Variants in MYO1D observed in about 807,000 individuals in gnomAD.
The protein encoded by MYO1D is unconventional myosin-Id.
In MYO1D, 83 loss-of-function variants were observed where a neutral mutation model predicts 122.0. That is an observed-to-expected ratio of 0.68 (90% confidence interval 0.57 to 0.82). The LOEUF (loss-of-function observed/expected upper bound fraction) is 0.82. Ranked by LOEUF, MYO1D falls within the 40% of genes least tolerant of loss-of-function variation. MYO1D has a pLI of 0.00. For synonymous variants in MYO1D, 464 were observed against 446.9 expected, an observed-to-expected ratio of 1.04 and a Z score of -0.48; for missense variants, 1,157 against 1,269.5, an observed-to-expected ratio of 0.91 and a Z score of 1.35.
At chr17:32,778,406 G>C in intron 3 of MYO1D, 74 bp downstream of exon 3, 4 of 1,434,814 alleles carry the variant, frequency 2.8e-6, no homozygotes, top group Non-Finnish European at 3.9e-6. Context: ...TCAACCCCTA[G>C]AGTTTAGGTC....
intron 21 of MYO1D, among the ~76,000 whole-genome samples, chr17:32,589,826 G>T (rs2087422766): frequency 6.6e-6 from 1 of 152,182 alleles, no homozygotes; most frequent in Non-Finnish European, 1.5e-5. Context: ...AAAAGCTAAA[G>T]AATTTTGTTA....
chr17:32,553,101 AAC>A (rs377162683), intron 21 of MYO1D, among the ~76,000 whole-genome samples: 5,092 of 125,400 alleles, frequency 0.041, 262 homozygotes, highest in African/African-American at 0.15. Context: ...CAAAAAACAA[AAC>A]AAAAAAAAAA....
intron 2 of MYO1D, among the ~76,000 whole-genome samples, chr17:32,779,997 C>CT (rs2090218549): frequency 6.6e-6 from 1 of 152,166 alleles, no homozygotes; most frequent in African/African-American, 2.4e-5. Context: ...CCCCATTTCA[C>CT]TACATAAGGG....
chr17:32,774,538 T>C (rs184303447), intron 4 of MYO1D, among the ~76,000 whole-genome samples: 124 of 152,280 alleles, frequency 8.1e-4, no homozygotes, highest in African/African-American at 2.7e-3. Context: ...ATGCCTTATA[T>C]CCTGTAATAA....
At position 32,755,703 on chromosome 17, in the gene MYO1D, G is replaced by C. The variant is rs1194517022; in HGVS notation, c.1297-41C>G. ...AGGAGGGAATTCTGAAGAGAACAGT[G>C]ACCAGGCCAGGTTAAACCCTGATGC... is the stretch of plus-strand genomic sequence containing the variant. On this transcript the variant is annotated intron_variant, in intron 10 of 21. Transcript: ENST00000318217. The C allele has an allele frequency of 1.9e-6, 3 of 1,569,934 alleles. No homozygotes were observed. In the East Asian group the frequency reaches 6.8e-5, roughly 36 times the overall value.
chr17:32,539,800 C>T (rs1214279432), intron 21 of MYO1D, among the ~76,000 whole-genome samples: 1 of 152,150 alleles, frequency 6.6e-6, no homozygotes, highest in African/African-American at 2.4e-5. Flanking sequence ...ACATGAACAT[C>T]TCTTTGGGAA....
chr17:32,695,631 T>C (rs1485797199), intron 16 of MYO1D, among the ~76,000 whole-genome samples: 1 of 152,302 alleles, frequency 6.6e-6, no homozygotes, highest in South Asian at 2.1e-4. Context: ...ATGTAACAAA[T>C]ACCCCTATGC....
At chr17:32,635,289 G>A (rs1413828800) in intron 20 of MYO1D, among the ~76,000 whole-genome samples, 5 of 152,196 alleles carry the variant, frequency 3.3e-5, no homozygotes, top group African/African-American at 4.8e-5. Flanking sequence ...CAAAACTCAG[G>A]TTGTGGAGGA....
At chr17:32,765,242 T>C (rs2090043700) in intron 7 of MYO1D, among the ~76,000 whole-genome samples, 161 bp from the exon 8 acceptor site, 1 of 152,206 alleles carries the variant, frequency 6.6e-6, no homozygotes, top group Non-Finnish European at 1.5e-5. Context: ...TTTTTCCCTT[T>C]CTCCGGACAC....
chr17:32,775,712 A>G, intron 4 of MYO1D, 152 bp downstream of exon 4: 1 of 727,220 alleles, frequency 1.4e-6, no homozygotes, highest in Admixed American at 3.2e-5. Flanking sequence ...AGAAGAGAAG[A>G]CAAAAGGAGA....
At chr17:32,637,737 T>G (rs1005683645) in intron 20 of MYO1D, among the ~76,000 whole-genome samples, 2 of 152,230 alleles carry the variant, frequency 1.3e-5, no homozygotes, top group East Asian at 3.9e-4. Flanking sequence ...CTATTGGCCT[T>G]TCTATTGAAA....
At chr17:32,752,299 A>G (rs2089906380) in intron 11 of MYO1D, among the ~76,000 whole-genome samples, 1 of 152,252 alleles carries the variant, frequency 6.6e-6, no homozygotes. Context: ...CAAGACTTAA[A>G]TATAAAACCT....
chr17:32,647,141 T>C (rs1047325523), intron 19 of MYO1D, among the ~76,000 whole-genome samples: 1 of 152,206 alleles, frequency 6.6e-6, no homozygotes, highest in African/African-American at 2.4e-5. Context: ...AGATAAAAGT[T>C]TATCTGGAGA....
intron 1 of MYO1D, among the ~76,000 whole-genome samples, chr17:32,874,760 C>A (rs1021337470): frequency 6.6e-6 from 1 of 152,004 alleles, no homozygotes; most frequent in African/African-American, 2.4e-5. Flanking sequence ...AAGGGCCCAT[C>A]TCTAAAAAAT....
chr17:32,745,890 T>C (rs932930412), intron 12 of MYO1D, among the ~76,000 whole-genome samples: 4 of 151,416 alleles, frequency 2.6e-5, no homozygotes, highest in African/African-American at 9.8e-5. Context: ...GTGAGAAGAG[T>C]AGGAATAGAA....
intron 1 of MYO1D, among the ~76,000 whole-genome samples, chr17:32,800,340 A>T (rs183126913): frequency 2.6e-5 from 4 of 152,328 alleles, no homozygotes; most frequent in African/African-American, 7.2e-5. Flanking sequence ...TATATATATA[A>T]AACAGAATAC....
At chr17:32,522,081 C>CAAAAAAAAAAA (rs35096680) in intron 21 of MYO1D, among the ~76,000 whole-genome samples, 2 of 63,250 alleles carry the variant, frequency 3.2e-5, no homozygotes, top group Non-Finnish European at 5.6e-5. Flanking sequence ...GACTCTGTCT[C>CAAAAAAAAAAA]AAAAAAAAAA....
intron 4 of MYO1D, among the ~76,000 whole-genome samples, chr17:32,773,434 G>T (rs918117505): frequency 3.3e-5 from 5 of 152,100 alleles, no homozygotes; most frequent in Admixed American, 3.3e-4. Flanking sequence ...CACTCCATTG[G>T]TGTCTGATCA....
At position 32,494,049 on chromosome 17, in the gene MYO1D, C is replaced by T. The variant is rs924162122; in HGVS notation, c.*710G>A. The T allele has an allele frequency of 6.6e-6, 1 of 152,336 alleles. No homozygotes were observed. The highest frequency in any genetic ancestry group is 1.5e-5 in the Non-Finnish European group (1 of 68,120). 9.4% of individuals were successfully genotyped at this position (152,336 alleles called of 1,614,324 possible). ...AGGCTGCGAGTTAAGTAAGATGATC[C>T]TTGGAGCATGCCACACTGTCCTCTC... On this transcript the variant is annotated 3_prime_UTR_variant, in exon 22 of 22. Coordinates refer to ENST00000318217, the MANE Select transcript of MYO1D (RefSeq NM_015194.3).
Sources: gnomAD v4.1 joint callset for allele counts (sites outside exome capture counted in the v4.1 genomes callset) on GRCh38, gnomAD v4.1.1 for gene constraint, MANE v1.5 for transcripts, NCBI Gene and HGNC (gene_info 2026-07-23, HGNC 2026-07-21) for gene names.